Variants in PCDHA7 observed in about 807,000 individuals in gnomAD.
PCDHA7 encodes protocadherin alpha-7.
PCDHA7 carries 37 observed loss-of-function variants against 57.2 expected under a neutral mutation model. That is an observed-to-expected ratio of 0.65 (90% CI 0.50 to 0.85). PCDHA7 has a LOEUF of 0.85. Ranked by LOEUF, PCDHA7 falls within the 40% of genes least tolerant of loss-of-function variation. The pLI, the probability that PCDHA7 is intolerant of heterozygous loss-of-function variation, is 0.00. For synonymous variants in PCDHA7, 553 were observed against 558.8 expected, an observed-to-expected ratio of 0.99 and a Z score of 0.15; for missense variants, 1,188 against 1,241.8, an observed-to-expected ratio of 0.96 and a Z score of 0.65.
chr5:140,939,900 A>G (rs916984176), intron 1 of PCDHA7, among the ~76,000 whole-genome samples: 5 of 152,150 alleles, frequency 3.3e-5, no homozygotes, highest in Admixed American at 3.3e-4. Flanking sequence ...AATATTCTGC[A>G]TTCTTTTTTA....
intron 1 of PCDHA7, among the ~76,000 whole-genome samples, chr5:140,889,730 A>C (rs1554184026): frequency 6.6e-6 from 1 of 152,198 alleles, no homozygotes; most frequent in East Asian, 1.9e-4. Flanking sequence ...TGTCTCACTG[A>C]GTAGCAGAGT....
chr5:140,924,944 TA>T (rs11334471), intron 1 of PCDHA7, among the ~76,000 whole-genome samples: 51,245 of 142,818 alleles, frequency 0.36, 9,188 homozygotes, highest in East Asian at 0.56. Flanking sequence ...AATAAAAAGT[TA>T]AAAAAAAAAT....
intron 1 of PCDHA7, chr5:140,875,557 G>A (rs2055595805): frequency 6.2e-7 from 1 of 1,613,946 alleles, no homozygotes; most frequent in Non-Finnish European, 8.5e-7. Flanking sequence ...GGTGGGGAGC[G>A]GCCAGCTCCA....
intron 1 of PCDHA7, chr5:140,866,074 T>C (rs1409925126): frequency 6.6e-6 from 1 of 152,180 alleles, no homozygotes; most frequent in Non-Finnish European, 1.5e-5. Context: ...CTGAGATAGG[T>C]ATTTTGGTTA....
intron 1 of PCDHA7, chr5:140,862,841 C>A (rs782790470): frequency 7.0e-5 from 40 of 573,022 alleles, no homozygotes; most frequent in South Asian, 4.5e-4. Flanking sequence ...GCGGGCATGC[C>A]GCCTCTGAGC....
chr5:140,855,793 C>T (rs1383581085), intron 1 of PCDHA7: 1 of 456,918 alleles, frequency 2.2e-6, no homozygotes, highest in East Asian at 3.3e-5. Flanking sequence ...AAAGAATTAA[C>T]ATATGAATGA....
intron 1 of PCDHA7, among the ~76,000 whole-genome samples, chr5:140,963,754 T>C (rs190216638): frequency 2.3e-4 from 35 of 152,374 alleles, no homozygotes; most frequent in Admixed American, 7.2e-4. Flanking sequence ...TGATAATAAA[T>C]TGTTGTATTT....
At chr5:140,877,189 G>A in intron 1 of PCDHA7, 1 of 1,613,808 alleles carries the variant, frequency 6.2e-7, no homozygotes, top group Non-Finnish European at 8.5e-7. Flanking sequence ...GGCTGGCAGC[G>A]CAGGAGGCGC....
intron 1 of PCDHA7, among the ~76,000 whole-genome samples, chr5:140,919,430 T>C (rs935963449): frequency 1.3e-5 from 2 of 152,196 alleles, no homozygotes; most frequent in Non-Finnish European, 2.9e-5. Flanking sequence ...TGCCTTTTGA[T>C]TGGGTTCTTT....
chr5:140,942,769 T>A (rs1554215212), intron 1 of PCDHA7, among the ~76,000 whole-genome samples: 1 of 152,202 alleles, frequency 6.6e-6, no homozygotes, highest in Non-Finnish European at 1.5e-5. Flanking sequence ...GCATAATGTA[T>A]TTTTAGGCAG....
chr5:140,843,140 C>G (rs1432182351), intron 1 of PCDHA7: 1 of 1,595,908 alleles, frequency 6.3e-7, no homozygotes, highest in Non-Finnish European at 8.6e-7. Context: ...CAACGCGTGG[C>G]TTTCGTATGA....
At chr5:140,871,187 T>C in intron 1 of PCDHA7, 1 of 1,613,626 alleles carries the variant, frequency 6.2e-7, no homozygotes, top group Non-Finnish European at 8.5e-7. Flanking sequence ...CTGGTGGATG[T>C]CAACGTGTAC....
At chr5:140,963,120 A>G (rs1210822785) in intron 1 of PCDHA7, among the ~76,000 whole-genome samples, 1 of 152,174 alleles carries the variant, frequency 6.6e-6, no homozygotes, top group African/African-American at 2.4e-5. Context: ...ATAATTAAAG[A>G]GATAATATTA....
At chr5:140,862,744 C>T in intron 1 of PCDHA7, 1 of 577,744 alleles carries the variant, frequency 1.7e-6, no homozygotes, top group South Asian at 1.4e-5. Flanking sequence ...TGTGTGGGTG[C>T]ACGCGGAGAG....
chr5:141,010,193 T>C lies in PCDHA7; in HGVS notation c.*256T>C, dbSNP rs782116962. Reference sequence around the variant, plus strand: ...CCTAAAAAGCAGACCCAAGTTTCCTTTCTCCTCCGCCGCAAAGGAGAGGCT... The same window carrying C: ...CCTAAAAAGCAGACCCAAGTTTCCTCTCTCCTCCGCCGCAAAGGAGAGGCT... On this transcript the variant is annotated 3_prime_UTR_variant, in exon 4 of 4. Transcript: ENST00000525929. 7.7e-6 allele frequency: 12 copies of C among 1,552,398 alleles called. No individual in the cohort carries two copies. The South Asian group carries it at 1.3e-4, about 17-fold the overall frequency.
chr5:140,993,133 C>T (rs2097542175), intron 3 of PCDHA7, among the ~76,000 whole-genome samples: 1 of 152,190 alleles, frequency 6.6e-6, no homozygotes, highest in East Asian at 1.9e-4. Context: ...CCTTCTGTTG[C>T]AACAAGTATA....
At chr5:140,838,881 C>A (rs2150293311) in intron 1 of PCDHA7, among the ~76,000 whole-genome samples, 1 of 151,836 alleles carries the variant, frequency 6.6e-6, no homozygotes, top group African/African-American at 2.4e-5. Flanking sequence ...TGCCACTGAA[C>A]TCCAGCCTAG....
intron 3 of PCDHA7, among the ~76,000 whole-genome samples, chr5:140,984,861 C>T (rs1163314869): frequency 6.6e-6 from 1 of 151,870 alleles, no homozygotes; most frequent in Non-Finnish European, 1.5e-5. Flanking sequence ...ATAATAACAC[C>T]TATTTTATTG....
intron 1 of PCDHA7, among the ~76,000 whole-genome samples, chr5:140,908,655 G>C (rs1419890192): frequency 6.6e-6 from 1 of 152,176 alleles, no homozygotes; most frequent in East Asian, 1.9e-4. Context: ...ATGGGGGCCT[G>C]CCAAAGGCTC....
Sources: allele counts gnomAD v4.1 joint callset (sites outside exome capture counted in the v4.1 genomes callset), GRCh38; gene constraint gnomAD v4.1.1; transcripts MANE v1.5; gene names NCBI Gene and HGNC (gene_info 2026-07-23, HGNC 2026-07-21).